COL23A1: variants seen among roughly 807,000 people sequenced by gnomAD.
COL23A1 encodes collagen alpha-1(XXIII) chain.
A neutral mutation model predicts 99.3 loss-of-function variants in COL23A1; 97 were observed. That is an observed-to-expected ratio of 0.98 (90% CI 0.83 to 1.16). The LOEUF (loss-of-function observed/expected upper bound fraction) is 1.16. Ranked by LOEUF, COL23A1 falls within the 50% of genes most tolerant of loss-of-function variation. The pLI, the probability that COL23A1 is intolerant of heterozygous loss-of-function variation, is 0.00. For synonymous variants in COL23A1, 320 were observed against 308.2 expected (o/e 1.04, Z -0.40); for missense variants, 762 against 757.4 (o/e 1.01, Z -0.07).
chr5:178,423,194 A>G (rs1765728443), intron 2 of COL23A1, among the ~76,000 whole-genome samples: 1 of 152,090 alleles, frequency 6.6e-6, no homozygotes, highest in Non-Finnish European at 1.5e-5. Flanking sequence ...TATGTTGCCC[A>G]GGCTGGACTT....
intron 2 of COL23A1, among the ~76,000 whole-genome samples, chr5:178,430,853 G>A (rs1202846438): frequency 2.6e-5 from 4 of 152,124 alleles, no homozygotes; most frequent in Non-Finnish European, 4.4e-5. Flanking sequence ...GGTATGGTGG[G>A]TACAGAGGTA....
intron 25 of COL23A1, 83 bp from the exon 26 acceptor site, chr5:178,242,477 C>T (rs1764458613): frequency 7.2e-7 from 1 of 1,381,560 alleles, no homozygotes. Context: ...GTTCCTCTCC[C>T]ATCCACACGC....
At chr5:178,405,414 T>C (rs1205904551) in intron 2 of COL23A1, among the ~76,000 whole-genome samples, 1 of 152,248 alleles carries the variant, frequency 6.6e-6, no homozygotes, top group South Asian at 2.1e-4. Flanking sequence ...TTTTAGGAGA[T>C]TGTAAATCTC....
intron 2 of COL23A1, among the ~76,000 whole-genome samples, chr5:178,389,190 AGT>A (rs997225163): frequency 6.6e-6 from 1 of 152,144 alleles, no homozygotes; most frequent in Non-Finnish European, 1.5e-5. Context: ...CCGTTGCCTC[AGT>A]GTGTGGCTTT....
Position 178,290,353 on chromosome 5 carries a change from G to A in COL23A1, c.414+9C>T. ...TTCAGAAGCAGACAGCACAGTCCAG[G>A]ACACTTACTGGAGGACCTGCAAAAC... On this transcript the variant is annotated intron_variant, in intron 4 of 28. Transcript: ENST00000390654. The A allele has an allele frequency of 6.2e-7, 1 of 1,614,008 alleles. No individual in the cohort carries two copies. Among genetic ancestry groups the A allele is most frequent in the Non-Finnish European group, 8.5e-7 (1 of 1,180,006 alleles).
At chr5:178,358,179 ATGTATG>A (rs1270685111) in intron 2 of COL23A1, among the ~76,000 whole-genome samples, 4 of 133,842 alleles carry the variant, frequency 3.0e-5, no homozygotes, top group Non-Finnish European at 4.7e-5. Context: ...GTGTATGTGT[ATGTATG>A]TGTATGTGTG....
In COL23A1 at chr5:178,366,307, C is replaced by T. The variant is rs988893253; in HGVS notation, c.362-59388G>A. On this transcript the variant is annotated intron_variant, in intron 2 of 28. Coordinates refer to ENST00000390654, the MANE Select transcript of COL23A1 (RefSeq NM_173465.4). This position sits in a 1 kb window ranked among gnomAD's most constrained non-coding sequence, Gnocchi z 4.4. ...TGCCCGAGGTTCCCTCTGCACCCCA[C>T]GATGGGCGCTGCGTCCTCCATCCTC... Among the ~76,000 whole-genome samples the T allele has an allele frequency of 3.3e-5, 5 of 152,344 alleles. No homozygotes were observed. In the South Asian group the frequency reaches 6.2e-4, roughly 19 times the overall value.
chr5:178,384,755 G>A lies in COL23A1; in HGVS notation c.362-77836C>T, dbSNP rs537558845. On this transcript the variant is annotated intron_variant, in intron 2 of 28. Coordinates refer to ENST00000390654, the MANE Select transcript of COL23A1 (RefSeq NM_173465.4). This position sits in a 1 kb window ranked among gnomAD's most constrained non-coding sequence, Gnocchi z 5.5. Reference sequence around the variant, plus strand: ...AGGGTGCACATATAACAGCCACCACGACCCTTGTACCACCCGGGGACGGCC... The same window carrying A: ...AGGGTGCACATATAACAGCCACCACAACCCTTGTACCACCCGGGGACGGCC... Among the ~76,000 whole-genome samples the A allele has an allele frequency of 6.6e-6, 1 of 152,350 alleles. No individual in the cohort carries two copies. The highest frequency in any genetic ancestry group is 2.4e-5 in the African/African-American group (1 of 41,590).
At chr5:178,581,343 A>G (rs1763649254) in intron 1 of COL23A1, among the ~76,000 whole-genome samples, 1 of 152,184 alleles carries the variant, frequency 6.6e-6, no homozygotes. Flanking sequence ...AGGCAGGCAA[A>G]TCACCTGAGG....
At chr5:178,516,969 A>G (rs1320217438) in intron 2 of COL23A1, among the ~76,000 whole-genome samples, 1 of 152,214 alleles carries the variant, frequency 6.6e-6, no homozygotes, top group Non-Finnish European at 1.5e-5. Context: ...GTGTGTGGAA[A>G]GCGCCTGTCA....
chr5:178,373,742 T>C (rs1762923275), intron 2 of COL23A1, among the ~76,000 whole-genome samples: 1 of 152,190 alleles, frequency 6.6e-6, no homozygotes, highest in East Asian at 1.9e-4. Flanking sequence ...CCTGAAGAGA[T>C]GAATCTGGAC....
chr5:178,448,529 T>C (rs116122700), intron 2 of COL23A1, among the ~76,000 whole-genome samples: 77 of 152,346 alleles, frequency 5.1e-4, no homozygotes, highest in African/African-American at 1.8e-3. Flanking sequence ...TTCTGGAGGC[T>C]TGGAATTCCA....
intron 2 of COL23A1, among the ~76,000 whole-genome samples, chr5:178,401,901 C>T (rs1459547012): frequency 2.0e-5 from 3 of 152,100 alleles, no homozygotes; most frequent in Admixed American, 6.6e-5. Flanking sequence ...CTGCAACCTC[C>T]ACCTCCCAGG....
At chr5:178,508,441 T>G (rs1759000762) in intron 2 of COL23A1, among the ~76,000 whole-genome samples, 1 of 152,220 alleles carries the variant, frequency 6.6e-6, no homozygotes, top group Non-Finnish European at 1.5e-5. Flanking sequence ...TTAGACATTT[T>G]GAGTATTATA....
At chr5:178,319,071 C>G (rs1759139186) in intron 2 of COL23A1, among the ~76,000 whole-genome samples, 1 of 152,056 alleles carries the variant, frequency 6.6e-6, no homozygotes, top group African/African-American at 2.4e-5. Context: ...AGCCATGGTG[C>G]AGGCTGTGTC....
chr5:178,576,074 G>C (rs1489179696), intron 1 of COL23A1, among the ~76,000 whole-genome samples: 9 of 152,174 alleles, frequency 5.9e-5, no homozygotes, highest in Non-Finnish European at 1.3e-4. Flanking sequence ...TACCCCTTCA[G>C]ACTGTGTTTC....
chr5:178,551,676 A>C (rs1762011071), intron 2 of COL23A1, among the ~76,000 whole-genome samples: 1 of 152,110 alleles, frequency 6.6e-6, no homozygotes, highest in Non-Finnish European at 1.5e-5. Context: ...GGGCGTTATC[A>C]ACCCTCCTCC....
Position 178,571,003 on chromosome 5 carries a change from T to A in COL23A1, c.295-10255A>T, listed in dbSNP as rs371253766. Among the ~76,000 whole-genome samples, 58 of 151,950 alleles carry A rather than the reference T, an allele frequency of 3.8e-4. 2 individuals carry two copies. In the South Asian group the frequency reaches 0.012, roughly 31 times the overall value. Reference sequence around the variant, plus strand: ...AGGGCACCGCAGACAGCATTCACACTGGGGCCGGGAGAATGCCCGATCCCA... The same window carrying A: ...AGGGCACCGCAGACAGCATTCACACAGGGGCCGGGAGAATGCCCGATCCCA... On this transcript the variant is annotated intron_variant, in intron 1 of 28. Coordinates refer to ENST00000390654, the MANE Select transcript of COL23A1 (RefSeq NM_173465.4).
At chr5:178,471,305 G>A (rs1454433127) in intron 2 of COL23A1, among the ~76,000 whole-genome samples, 1 of 152,178 alleles carries the variant, frequency 6.6e-6, no homozygotes, top group African/African-American at 2.4e-5. Flanking sequence ...GCAGTGGTGC[G>A]ATCTCAGCTC....
Sources: gnomAD v4.1 joint callset for allele counts (sites outside exome capture counted in the v4.1 genomes callset) on GRCh38, gnomAD v4.1.1 for gene constraint, Gnocchi (gnomAD v3.1) non-coding constraint, MANE v1.5 for transcripts, NCBI Gene and HGNC (gene_info 2026-07-23, HGNC 2026-07-21) for gene names.